The following USP3 variants were observed in gnomAD, a reference collection of about 807,000 sequenced individuals.
USP3 encodes the protein ubiquitin carboxyl-terminal hydrolase 3.
A neutral mutation model predicts 72.3 loss-of-function variants in USP3; 20 were observed. That is an observed-to-expected ratio of 0.28 (90% confidence interval 0.19 to 0.40). The LOEUF is 0.40. USP3 is among the 10% of genes least tolerant of loss of function. The probability of loss-of-function intolerance (pLI) is 1.00; values close to 1 mark genes in which losing one functional copy is unlikely to be tolerated. For synonymous variants in USP3, 222 were observed against 225.3 expected, an observed-to-expected ratio of 0.99 and a Z score of 0.13; for missense variants, 479 against 633.9, an observed-to-expected ratio of 0.76 and a Z score of 2.62.
At chr15:63,513,272 G>A (rs752075599) in intron 1 of USP3, among the ~76,000 whole-genome samples, 1 of 152,206 alleles carries the variant, frequency 6.6e-6, no homozygotes, top group African/African-American at 2.4e-5. Context: ...GAAATTAACT[G>A]TCATATTCCC....
chr15:63,513,840 G>A lies in USP3; in HGVS notation c.91+9010G>A, dbSNP rs77940746. Among the ~76,000 whole-genome samples, 255 of 152,292 alleles carry A rather than the reference G, an allele frequency of 1.7e-3. 3 individuals carry two copies. In the East Asian group the frequency reaches 0.022, roughly 13 times the overall value. ...TGTTTCCCTGAGATAATCGATGGAT[G>A]ACATGTTAGAAAAATGTTCTACTAT... is the stretch of plus-strand genomic sequence containing the variant. On this transcript the variant is annotated intron_variant, in intron 1 of 14. Coordinates refer to ENST00000380324, the MANE Select transcript of USP3 (RefSeq NM_006537.4).
intron 8 of USP3, among the ~76,000 whole-genome samples, chr15:63,567,089 G>C (rs533259068): frequency 6.6e-6 from 1 of 152,318 alleles, no homozygotes; most frequent in African/African-American, 2.4e-5. Flanking sequence ...TAAGTATGTG[G>C]TGGGAACACA....
intron 3 of USP3, among the ~76,000 whole-genome samples, chr15:63,537,838 G>T (rs562964142): frequency 6.6e-6 from 1 of 151,840 alleles, no homozygotes; most frequent in South Asian, 2.1e-4. Flanking sequence ...AGCATGTGCC[G>T]CCATGCCCAG....
rs1178182521 is a variant in USP3, at chr15:63,592,849, C to T, written c.*2023C>T. 1.3e-5 allele frequency: 2 copies of T among 152,006 alleles called. No homozygotes were observed. Among genetic ancestry groups the T allele is most frequent in the Non-Finnish European group, 2.9e-5 (2 of 68,024 alleles). The allele number at this position is 152,006 out of a possible 1,614,324, so 9.4% of individuals were successfully genotyped here. ...GAAGTTGTGGGAGCAGATGTAGCTC[C>T]ATTTCCATTTTAATATTAACTGGAT... On this transcript the variant is annotated 3_prime_UTR_variant, in exon 15 of 15. Transcript: ENST00000380324.
At chr15:63,524,203 T>C (rs9672511) in intron 1 of USP3, among the ~76,000 whole-genome samples, 114,643 of 152,194 alleles carry the variant, frequency 0.75, 44,762 homozygotes, top group Non-Finnish European at 0.81. Flanking sequence ...GGCAGCTTAG[T>C]TGAAGATAAA....
intron 11 of USP3, among the ~76,000 whole-genome samples, chr15:63,581,345 T>TTTTG (rs1454041635): frequency 1.5e-5 from 2 of 130,180 alleles, no homozygotes; most frequent in Admixed American, 7.8e-5. Flanking sequence ...GTGTTGGTTT[T>TTTTG]TGTGTGTGTG....
chr15:63,562,939 A>G lies in USP3; in HGVS notation c.692A>G (p.Gln231Arg), dbSNP rs1401779028. 1 of 1,613,040 alleles carries G rather than the reference A, an allele frequency of 6.2e-7. No homozygotes were observed. The change falls in exon 8 of 15, where the codon CAA becomes CGA. Residue 231 changes from glutamine (Q) to arginine (R), a missense_variant. Physicochemically the swap from Gln to Arg is conservative, Grantham distance 43 (BLOSUM62 1). Transcript: ENST00000380324. ...AGAAAGACACTCTGTGCTTTATGGC[A>G]AGGCAGCCAGACTGCATTTAGCCCA... ...EFRKTLCALW[Q>R]GSQTAFSPES...
intron 3 of USP3, among the ~76,000 whole-genome samples, chr15:63,549,375 T>A (rs912123533): frequency 6.6e-6 from 1 of 152,246 alleles, no homozygotes; most frequent in Non-Finnish European, 1.5e-5. Context: ...TTAAGAATAA[T>A]TGATTTGACT....
rs548400866 is a variant in USP3, at chr15:63,524,929, A to G, written c.92-7718A>G. Among the ~76,000 whole-genome samples, 43 of 152,310 alleles carry G rather than the reference A, an allele frequency of 2.8e-4. 1 individual carries two copies. The highest frequency in any genetic ancestry group is 1.3e-4 in the Admixed American group (2 of 15,300). ...ATGAGGACATAGACCCTGTCTCTCCATGGGAAGAATGTCAAAGAATTTGTG... is the reference window on the plus strand; with the variant it reads ...ATGAGGACATAGACCCTGTCTCTCCGTGGGAAGAATGTCAAAGAATTTGTG... On this transcript the variant is annotated intron_variant, in intron 1 of 14. Coordinates refer to ENST00000380324, the MANE Select transcript of USP3 (RefSeq NM_006537.4).
At chr15:63,555,918 A>G (rs1011237301) in intron 4 of USP3, among the ~76,000 whole-genome samples, 9 of 152,188 alleles carry the variant, frequency 5.9e-5, no homozygotes, top group Non-Finnish European at 1.3e-4. Context: ...AAGGTGGGAG[A>G]GAATTGGCGG....
chr15:63,532,961 T>C (rs903318056), intron 2 of USP3, among the ~76,000 whole-genome samples: 1 of 152,196 alleles, frequency 6.6e-6, no homozygotes, highest in South Asian at 2.1e-4. Flanking sequence ...GCTAATAATA[T>C]TTGAGTGGAA....
At chr15:63,587,448 T>C (rs2067093620) in intron 11 of USP3, among the ~76,000 whole-genome samples, 1 of 152,212 alleles carries the variant, frequency 6.6e-6, no homozygotes, top group African/African-American at 2.4e-5. Context: ...AGTAGGTTCT[T>C]GGAAACTGCA....
Position 63,529,119 on chromosome 15 carries a change from C to A in USP3, c.92-3528C>A, listed in dbSNP as rs1432070680. ...GCTCAAGTGATTCTTCTGCCTCAGC[C>A]TCCCAAGTAGCTGGGACTACAGATG... On this transcript the variant is annotated intron_variant, in intron 1 of 14. Coordinates refer to ENST00000380324, the MANE Select transcript of USP3 (RefSeq NM_006537.4). The surrounding 1 kb of genome is among the most constrained non-coding windows in gnomAD (Gnocchi z 4.2). 1 of 1,191,332 alleles carries A rather than the reference C, an allele frequency of 8.4e-7. No homozygotes were observed. The highest frequency in any genetic ancestry group is 1.3e-5 in the South Asian group (1 of 79,036). 73.8% of individuals were successfully genotyped at this position (1,191,332 alleles called of 1,614,324 possible). A position where few individuals can be genotyped will look rare whatever the true frequency, so the allele number is the denominator to read the frequency against.
intron 1 of USP3, among the ~76,000 whole-genome samples, chr15:63,512,624 T>C (rs1331547011): frequency 6.6e-6 from 1 of 151,968 alleles, no homozygotes; most frequent in African/African-American, 2.4e-5. Flanking sequence ...TTTGTGTTTT[T>C]AGTAGAGACG....
chr15:63,585,762 ATTTG>A (rs1336068122), intron 11 of USP3, among the ~76,000 whole-genome samples: 2 of 139,766 alleles, frequency 1.4e-5, no homozygotes, highest in Non-Finnish European at 3.1e-5. Flanking sequence ...AGTCCACTTT[ATTTG>A]TTTTTGTGGA....
At chr15:63,536,471 A>G (rs2066158316) in intron 2 of USP3, among the ~76,000 whole-genome samples, 1 of 151,458 alleles carries the variant, frequency 6.6e-6, no homozygotes, top group African/African-American at 2.4e-5. Context: ...AAAAAAAGCT[A>G]TAGTGAAAGC....
At position 63,588,106 on chromosome 15, in the gene USP3, A is replaced by G. The variant is rs80275182; in HGVS notation, c.1097-199A>G. On this transcript the variant is annotated intron_variant, in intron 11 of 14. Transcript: ENST00000380324. The surrounding 1 kb of genome is among the most constrained non-coding windows in gnomAD (Gnocchi z 4.6). ...TGTCAGGCATGATGCCAGGTGCTCT[A>G]CACATTATTTCTCTTCCTTATAATA... 69,945 of 440,548 alleles carry G rather than the reference A, an allele frequency of 0.16. 6,598 individuals carry two copies. Among genetic ancestry groups the G allele is most frequent in the Non-Finnish European group, 0.19 (46,380 of 249,900 alleles). 27.3% of individuals were successfully genotyped at this position (440,548 alleles called of 1,614,324 possible). A position where few individuals can be genotyped will look rare whatever the true frequency, so the allele number is the denominator to read the frequency against.
At chr15:63,580,606 A>ATCTT (rs1434100786) in intron 11 of USP3, among the ~76,000 whole-genome samples, 2 of 141,332 alleles carry the variant, frequency 1.4e-5, no homozygotes, top group African/African-American at 2.6e-5. Flanking sequence ...ATGCCCTGAA[A>ATCTT]TCTTTGAGAA....
At chr15:63,557,101 C>G (rs764545359) in intron 5 of USP3, 1 of 172,942 alleles carries the variant, frequency 5.8e-6, no homozygotes, top group Non-Finnish European at 1.2e-5. Context: ...GATGGAGTCC[C>G]ACTCCGTAGC....
Sources: allele counts gnomAD v4.1 joint callset (sites outside exome capture counted in the v4.1 genomes callset), GRCh38; gene constraint gnomAD v4.1.1; non-coding constraint Gnocchi (gnomAD v3.1); transcripts MANE v1.5; gene names NCBI Gene and HGNC (gene_info 2026-07-23, HGNC 2026-07-21).